Variants in SIPA1L3 observed in about 807,000 individuals in gnomAD.
The protein encoded by SIPA1L3 is signal-induced proliferation-associated 1-like protein 3.
SIPA1L3 carries 59 observed loss-of-function variants against 150.1 expected under a neutral mutation model. The ratio of observed to expected loss-of-function variants is 0.39; its 90% CI spans 0.32 to 0.49. The LOEUF is 0.49. Among genes scored for constraint, SIPA1L3 ranks in the 20% least tolerant of loss-of-function variants. The pLI is 0.86. For synonymous variants in SIPA1L3, 1,070 were observed against 1,077.6 expected (o/e 0.99, Z 0.14); for missense variants, 2,211 against 2,489.5 (o/e 0.89, Z 2.38).
intron 19 of SIPA1L3, among the ~76,000 whole-genome samples, chr19:38,199,017 A>T (rs1386702888): frequency 6.6e-6 from 1 of 152,202 alleles, no homozygotes; most frequent in Non-Finnish European, 1.5e-5. Flanking sequence ...TCAGCGCCAG[A>T]TCTGGGAGCC....
intron 10 of SIPA1L3, among the ~76,000 whole-genome samples, chr19:38,136,215 C>T (rs1971433710): frequency 1.7e-5 from 2 of 121,020 alleles, no homozygotes; most frequent in Admixed American, 9.5e-5. Context: ...AAGAAGAATG[C>T]GTAAGAAAGT....
chr19:38,044,676 G>A (rs1969011744), intron 2 of SIPA1L3, among the ~76,000 whole-genome samples: 2 of 152,210 alleles, frequency 1.3e-5, no homozygotes, highest in South Asian at 4.1e-4. Context: ...CAATAAAAAT[G>A]TGTTAAATTA....
In SIPA1L3 at chr19:37,932,397, T is replaced by C. The variant is rs530040003; in HGVS notation, c.-379+25039T>C. 5.2e-5 allele frequency: 8 copies of C among 152,390 alleles called. No individual in the cohort carries two copies. In the Middle Eastern group the frequency reaches 0.01, roughly 194 times the overall value. 9.4% of individuals were successfully genotyped at this position (152,390 alleles called of 1,614,324 possible). On this transcript the variant is annotated intron_variant, in intron 1 of 21. Transcript: ENST00000222345. ...GGGAATGTTGGCAAAACAGCTTTCT[T>C]TGGGAACGCGCCTGTTCACGACGAC... is the stretch of plus-strand genomic sequence containing the variant.
Position 38,082,126 on chromosome 19 carries a change from G to T in SIPA1L3, c.561G>T (p.Pro187=). The change falls in exon 3 of 22, where the codon CCG becomes CCT. Residue 187 remains proline (P), a synonymous_variant. Transcript: ENST00000222345. ...SECDAEDAGE[P]RGARHTGALP... is the part of the protein sequence containing the mutation. The stretch of plus-strand genomic sequence containing the variant: ...GTGACGCGGAGGACGCGGGGGAGCC[G>T]CGGGGGGCCCGGCACACGGGGGCGC... The T allele has an allele frequency of 1.2e-6, 2 of 1,606,664 alleles. No homozygotes were observed. The highest frequency in any genetic ancestry group is 1.7e-6 in the Non-Finnish European group (2 of 1,179,044).
At chr19:37,945,259 A>G (rs1461458102) in intron 1 of SIPA1L3, among the ~76,000 whole-genome samples, 2 of 151,764 alleles carry the variant, frequency 1.3e-5, no homozygotes, top group African/African-American at 2.4e-5. Flanking sequence ...TTTGAGACAG[A>G]GTCAAAACTC....
chr19:38,058,308 T>G (rs1969370225), intron 2 of SIPA1L3, among the ~76,000 whole-genome samples: 3 of 152,196 alleles, frequency 2.0e-5, no homozygotes, highest in African/African-American at 7.2e-5. Context: ...TAGAGCCTTC[T>G]GTGGTGCTGC....
At position 38,007,055 on chromosome 19, in the gene SIPA1L3, C is replaced by T. The variant is rs891263180; in HGVS notation, c.-378-22034C>T. On this transcript the variant is annotated intron_variant, in intron 1 of 21. Coordinates refer to ENST00000222345, the MANE Select transcript of SIPA1L3 (RefSeq NM_015073.3). The stretch of plus-strand genomic sequence containing the variant: ...AAAACGAAAAGAACGCGATGGCTCC[C>T]GCCTATAACCCCAGCACTTTGGGAG... 1.2e-4 allele frequency among the ~76,000 whole-genome samples: 18 copies of T among 152,302 alleles called. 1 individual carries two copies. The highest frequency in any genetic ancestry group is 6.8e-3 in the Middle Eastern group (2 of 294).
chr19:37,912,379 G>C (rs1402327786), intron 1 of SIPA1L3, among the ~76,000 whole-genome samples: 1 of 152,156 alleles, frequency 6.6e-6, no homozygotes, highest in Non-Finnish European at 1.5e-5. Context: ...CAAATCATGT[G>C]TCCTTCTGAG....
At chr19:37,969,621 G>C (rs117711994) in intron 1 of SIPA1L3, among the ~76,000 whole-genome samples, 2 of 152,104 alleles carry the variant, frequency 1.3e-5, no homozygotes, top group East Asian at 3.9e-4. Flanking sequence ...AAGGTCCCCC[G>C]TGATGCAGCC....
Position 38,141,423 on chromosome 19 carries a change from T to C in SIPA1L3, c.3383T>C (p.Leu1128Pro), listed in dbSNP as rs773590755. ...PIVPFRESQP[L>P]HSKRPVSFPE... Reference sequence around the variant, plus strand: ...GTCCCCTTCCGGGAGTCCCAGCCACTGCACAGCAAGAGGTAAGCACCTGCT... The same window carrying C: ...GTCCCCTTCCGGGAGTCCCAGCCACCGCACAGCAAGAGGTAAGCACCTGCT... The change falls in exon 11 of 22, where the codon CTG (leucine) becomes CCG (proline). Residue 1128 changes from leucine to proline, a missense_variant. This residue lies in a region of SIPA1L3 where 806 missense variants were observed against 870.1 expected (regional missense o/e 0.93). Transcript: ENST00000222345. 1 of 1,609,244 alleles carries C rather than the reference T, an allele frequency of 6.2e-7. No individual in the cohort carries two copies. Among genetic ancestry groups the C allele is most frequent in the South Asian group, 1.1e-5 (1 of 91,074 alleles).
At chr19:38,003,887 C>A (rs1169526109) in intron 1 of SIPA1L3, among the ~76,000 whole-genome samples, 3 of 152,160 alleles carry the variant, frequency 2.0e-5, no homozygotes, top group Non-Finnish European at 4.4e-5. Context: ...TCTTTCATTT[C>A]AGATCCATCC....
At chr19:38,132,063 C>T (rs1455305391) in intron 10 of SIPA1L3, among the ~76,000 whole-genome samples, 2 of 151,210 alleles carry the variant, frequency 1.3e-5, no homozygotes, top group Non-Finnish European at 3.0e-5. Context: ...AGTGAGACCC[C>T]GTCTCTGCAT....
intron 15 of SIPA1L3, among the ~76,000 whole-genome samples, chr19:38,169,534 C>T (rs1972281636): frequency 6.6e-6 from 1 of 152,158 alleles, no homozygotes; most frequent in African/African-American, 2.4e-5. Flanking sequence ...ATCTGTGAAA[C>T]TAGGGATAAA....
At chr19:37,960,337 A>G (rs1277693443) in intron 1 of SIPA1L3, among the ~76,000 whole-genome samples, 1 of 151,934 alleles carries the variant, frequency 6.6e-6, no homozygotes, top group African/African-American at 2.4e-5. Context: ...TACTGTGTTC[A>G]AGCGATCCTC....
At chr19:37,937,932 A>C (rs1481867570) in intron 1 of SIPA1L3, among the ~76,000 whole-genome samples, 2 of 151,718 alleles carry the variant, frequency 1.3e-5, no homozygotes, top group Non-Finnish European at 2.9e-5. Context: ...CTGTAGTCCC[A>C]GCTACTGAGG....
intron 1 of SIPA1L3, among the ~76,000 whole-genome samples, chr19:37,986,298 A>G (rs1471540852): frequency 6.6e-6 from 1 of 152,206 alleles, no homozygotes; most frequent in African/African-American, 2.4e-5. Context: ...GTGCTTAGAA[A>G]AGTGCACACA....
intron 12 of SIPA1L3, among the ~76,000 whole-genome samples, chr19:38,150,529 C>CTT (rs201046693): frequency 2.5e-5 from 3 of 119,832 alleles, no homozygotes; most frequent in African/African-American, 6.1e-5. Context: ...AATATCAACA[C>CTT]TTTTTTTTTT....
chr19:38,140,972 C>T (rs957353313), intron 10 of SIPA1L3, among the ~76,000 whole-genome samples: 4 of 148,110 alleles, frequency 2.7e-5, no homozygotes, highest in East Asian at 2.0e-4. Context: ...GCACGAGAAT[C>T]GCTTGAACCC....
chr19:38,193,718 C>A lies in SIPA1L3; in HGVS notation c.4778C>A (p.Pro1593His), dbSNP rs759518614. 1 of 1,567,540 alleles carries A rather than the reference C, an allele frequency of 6.4e-7. No individual in the cohort carries two copies. Among genetic ancestry groups the A allele is most frequent in the South Asian group, 1.2e-5 (1 of 86,776 alleles). ...TLPARRQHQHPHPPVGPGATP... is the reference protein window; with the variant it reads ...TLPARRQHQHHHPPVGPGATP... ...CCTGCACGCCGCCAGCACCAGCACC[C>A]CCACCCGCCCGTCGGCCCCGGTGCC... The change falls in exon 18 of 22, where the codon CCC becomes CAC. Residue 1593 changes from proline (P) to histidine (H), a missense_variant. Physicochemically the swap from Pro to His is moderately conservative, Grantham distance 77. Around this residue, in one of 5 missense-constraint regions of SIPA1L3, gnomAD observed 806 missense variants for 870.1 expected, o/e 0.93. Transcript: ENST00000222345.
Sources: gnomAD v4.1 joint callset for allele counts (sites outside exome capture counted in the v4.1 genomes callset) on GRCh38, gnomAD v4.1.1 for gene constraint, gnomAD v4.1.1 regional missense constraint, MANE v1.5 for transcripts, NCBI Gene and HGNC (gene_info 2026-07-23, HGNC 2026-07-21) for gene names.